The following TSPAN12 variants were observed in gnomAD, a reference collection of about 807,000 sequenced individuals.
The protein encoded by TSPAN12 is tetraspanin-12.
A neutral mutation model predicts 39.2 loss-of-function variants in TSPAN12; 19 were observed. The ratio of observed to expected loss-of-function variants is 0.49; its 90% CI spans 0.34 to 0.71. The LOEUF is 0.71. Ranked by LOEUF, TSPAN12 falls within the 30% of genes least tolerant of loss-of-function variation. TSPAN12 has a pLI of 0.01. For missense variants in TSPAN12, 314 were observed against 359.9 expected (o/e 0.87, Z 1.03); for synonymous variants, 119 against 124.8 (o/e 0.95, Z 0.31).
At chr7:120,799,514 A>G (rs1397965862) in intron 7 of TSPAN12, among the ~76,000 whole-genome samples, 1 of 105,804 alleles carries the variant, frequency 9.5e-6, no homozygotes, top group Non-Finnish European at 1.8e-5. Context: ...AATTAATTAT[A>G]TATAATTAAT....
rs1232017832 is a variant in TSPAN12 at position 120,810,559 on chromosome 7, T to C, written c.372A>G (p.Gln124=). The C allele has an allele frequency of 1.2e-6, 2 of 1,612,734 alleles. No homozygotes were observed. Among genetic ancestry groups the C allele is most frequent in the East Asian group, 2.2e-5 (1 of 44,822 alleles). ...CTTTCAAAGTGACCATATCTGACCA[T>C]TGTACTGGAACCTGGTGATAAAAAG... is the stretch of plus-strand genomic sequence containing the variant. ...TYEQELMVPV[Q]WSDMVTLKAR... is the part of the protein sequence containing the mutation. Residue 124 remains glutamine (Q), a synonymous_variant, in exon 6 of 8, where the codon CAA becomes CAG. Coordinates refer to ENST00000222747, the MANE Select transcript of TSPAN12 (RefSeq NM_012338.4).
chr7:120,806,892 T>C (rs993865612), intron 6 of TSPAN12, among the ~76,000 whole-genome samples, 200 bp from the exon 7 acceptor site: 8 of 152,110 alleles, frequency 5.3e-5, no homozygotes, highest in African/African-American at 1.7e-4. Context: ...GGAAGTATTC[T>C]GAGTAATAAT....
intron 7 of TSPAN12, among the ~76,000 whole-genome samples, chr7:120,799,640 C>A (rs867306010): frequency 9.2e-4 from 77 of 84,054 alleles, no homozygotes; most frequent in African/African-American, 3.4e-3. Flanking sequence ...ATTATATATA[C>A]TTATATATAA....
chr7:120,851,268 C>T (rs529637311), intron 2 of TSPAN12, among the ~76,000 whole-genome samples: 22 of 152,294 alleles, frequency 1.4e-4, no homozygotes, highest in African/African-American at 4.8e-4. Context: ...AGAAAGAGAG[C>T]ATTGAGCCTC....
At chr7:120,828,173 T>C (rs1161064581) in intron 4 of TSPAN12, among the ~76,000 whole-genome samples, 3 of 152,148 alleles carry the variant, frequency 2.0e-5, no homozygotes, top group Non-Finnish European at 4.4e-5. Flanking sequence ...TAAAAAAGGT[T>C]ATCAAAACGT....
chr7:120,814,142 A>C (rs1794035172), intron 5 of TSPAN12: 7 of 454,514 alleles, frequency 1.5e-5, no homozygotes, highest in South Asian at 1.1e-4. Context: ...TATTCAAAAC[A>C]GTCTCGAAGC....
intron 7 of TSPAN12, among the ~76,000 whole-genome samples, chr7:120,793,236 A>G (rs1793567300): frequency 6.6e-6 from 1 of 152,260 alleles, no homozygotes; most frequent in Admixed American, 6.5e-5. Flanking sequence ...TGAAAATGAC[A>G]TTGATTTGTA....
chr7:120,799,615 T>TAA (rs1793716205), intron 7 of TSPAN12, among the ~76,000 whole-genome samples: 1 of 117,928 alleles, frequency 8.5e-6, no homozygotes, highest in South Asian at 2.3e-4. Context: ...ATTATATATA[T>TAA]AATTAAATAT....
At chr7:120,831,902 T>C (rs933893271) in intron 4 of TSPAN12, among the ~76,000 whole-genome samples, 1 of 152,068 alleles carries the variant, frequency 6.6e-6, no homozygotes, top group Non-Finnish European at 1.5e-5. Context: ...ACATACATCA[T>C]TGAAACATCA....
At position 120,840,127 on chromosome 7, in the gene TSPAN12, C is replaced by A; in HGVS notation, c.67-18G>T. 6.3e-7 allele frequency: 1 copy of A among 1,593,020 alleles called. No homozygotes were observed. Among genetic ancestry groups the A allele is most frequent in the East Asian group, 2.2e-5 (1 of 44,760 alleles). Reference sequence around the variant, plus strand: ...GACATTAACTGGGGAGAAAAAAGTACAAACCGGTTACCAAAGATTTACGTA... The same window carrying A: ...GACATTAACTGGGGAGAAAAAAGTAAAAACCGGTTACCAAAGATTTACGTA... On this transcript the variant is annotated intron_variant, in intron 2 of 7. Transcript: ENST00000222747.
chr7:120,828,778 G>A (rs775971756), intron 4 of TSPAN12, among the ~76,000 whole-genome samples: 15 of 147,968 alleles, frequency 1.0e-4, no homozygotes, highest in Admixed American at 6.2e-4. Flanking sequence ...TTCTCAGTCT[G>A]TGCTTCAACT....
intron 5 of TSPAN12, among the ~76,000 whole-genome samples, chr7:120,811,100 G>T (rs759961109): frequency 6.6e-6 from 1 of 152,198 alleles, no homozygotes; most frequent in Non-Finnish European, 1.5e-5. Flanking sequence ...TAAGAGGTAT[G>T]TTAGAATTTT....
chr7:120,809,340 A>T (rs893673433), intron 6 of TSPAN12, among the ~76,000 whole-genome samples: 5 of 152,194 alleles, frequency 3.3e-5, no homozygotes, highest in African/African-American at 1.2e-4. Flanking sequence ...ACAGTAGCTG[A>T]CATAACTTAC....
At chr7:120,815,424 T>C (rs1157496368) in intron 5 of TSPAN12, among the ~76,000 whole-genome samples, 4 of 152,162 alleles carry the variant, frequency 2.6e-5, no homozygotes, top group Non-Finnish European at 5.9e-5. Flanking sequence ...TCCCTCACGC[T>C]GTTCTTTTGA....
intron 2 of TSPAN12, among the ~76,000 whole-genome samples, chr7:120,849,160 A>G (rs2116497223): frequency 6.6e-6 from 1 of 152,360 alleles, no homozygotes; most frequent in Admixed American, 6.5e-5. Context: ...ATATTTTAAA[A>G]CTAAACAAAG....
At chr7:120,846,544 G>A (rs1765484027) in intron 2 of TSPAN12, among the ~76,000 whole-genome samples, 1 of 152,158 alleles carries the variant, frequency 6.6e-6, no homozygotes, top group Non-Finnish European at 1.5e-5. Flanking sequence ...TTTAAGTGGT[G>A]TATTCCAAGA....
At chr7:120,857,187 T>G (rs1028430784) in intron 1 of TSPAN12, 3 of 344,280 alleles carry the variant, frequency 8.7e-6, no homozygotes, top group African/African-American at 6.4e-5. Flanking sequence ...CGAGGACAGC[T>G]GTGCTCGGCA....
At chr7:120,793,866 TA>T (rs1405857962) in intron 7 of TSPAN12, among the ~76,000 whole-genome samples, 1 of 152,264 alleles carries the variant, frequency 6.6e-6, no homozygotes, top group Non-Finnish European at 1.5e-5. Context: ...ATATTGAAGA[TA>T]TTTTTTCTCG....
intron 7 of TSPAN12, among the ~76,000 whole-genome samples, chr7:120,792,686 C>T (rs1793554327): frequency 6.6e-6 from 1 of 152,194 alleles, no homozygotes; most frequent in Non-Finnish European, 1.5e-5. Context: ...GTAGAAACTT[C>T]AATGACCACA....
Sources: gnomAD v4.1 joint callset for allele counts (sites outside exome capture counted in the v4.1 genomes callset) on GRCh38, gnomAD v4.1.1 for gene constraint, MANE v1.5 for transcripts, NCBI Gene and HGNC (gene_info 2026-07-23, HGNC 2026-07-21) for gene names.